DNAH5: variants seen among roughly 807,000 people sequenced by gnomAD.
The protein encoded by DNAH5 is dynein axonemal heavy chain 5, also known as axonemal beta dynein heavy chain 5.
DNAH5 carries 372 observed loss-of-function variants against 518.2 expected under a neutral mutation model. That is an observed-to-expected ratio of 0.72 (90% confidence interval 0.66 to 0.78). The LOEUF (loss-of-function observed/expected upper bound fraction) is 0.78. Among genes scored for constraint, DNAH5 ranks in the 30% least tolerant of loss-of-function variants. DNAH5 has a pLI of 0.00. For missense variants in DNAH5, 5,523 were observed against 5,687.0 expected, an observed-to-expected ratio of 0.97 and a Z score of 0.93; for synonymous variants, 2,039 against 2,025.9, an observed-to-expected ratio of 1.01 and a Z score of -0.17.
At chr5:13,903,376 T>C (rs767636034) in intron 12 of DNAH5, among the ~76,000 whole-genome samples, 15 of 151,908 alleles carry the variant, frequency 9.9e-5, no homozygotes, top group Non-Finnish European at 1.9e-4. Flanking sequence ...CATATGTCTA[T>C]TGGAAATCTT....
intron 1 of DNAH5, among the ~76,000 whole-genome samples, chr5:13,953,398 A>G (rs1381483885): frequency 6.6e-6 from 1 of 152,208 alleles, no homozygotes; most frequent in Non-Finnish European, 1.5e-5. Flanking sequence ...GAACTCTTCT[A>G]CTAGAAACAG....
At position 13,727,562 on chromosome 5, in the gene DNAH5, C is replaced by A; in HGVS notation, c.11978G>T (p.Cys3993Phe). Residue 3993 changes from cysteine to phenylalanine, a missense_variant, in exon 70 of 79, where the codon TGC becomes TTC. By Grantham distance (205) the Cys-to-Phe change is radical. Transcript: ENST00000265104. ...TCTAATAAGGAGAAGACGTCTGAAG[C>A]AGTCAAGAGATTTATCATAGGCATT... ...LPNAYDKSLD[C>F]FRRLLLIRSW... is the part of the protein sequence containing the mutation. The A allele has an allele frequency of 6.2e-7, 1 of 1,613,860 alleles. No homozygotes were observed. Among genetic ancestry groups the A allele is most frequent in the Non-Finnish European group, 8.5e-7 (1 of 1,179,828 alleles).
intron 35 of DNAH5, among the ~76,000 whole-genome samples, chr5:13,831,434 C>T (rs1763662745): frequency 1.3e-5 from 2 of 152,196 alleles, no homozygotes; most frequent in African/African-American, 2.4e-5. Flanking sequence ...GCCAGCACCA[C>T]CTGGTGTTAC....
At chr5:13,742,188 T>C (rs1748656126) in intron 65 of DNAH5, among the ~76,000 whole-genome samples, 2 of 152,192 alleles carry the variant, frequency 1.3e-5, no homozygotes, top group African/African-American at 4.8e-5. Flanking sequence ...AAGGAGAACT[T>C]AGAATGATAA....
rs568192560 is a variant in DNAH5, at chr5:13,835,542, T to C, written c.5882+3814A>G. 2.6e-5 allele frequency among the ~76,000 whole-genome samples: 4 copies of C among 152,236 alleles called. 1 individual carries two copies. In the South Asian group the frequency reaches 8.3e-4, roughly 32 times the overall value. ...GCCAAGCATCATGGCTGCCTCCAGATAACTCCATGTGTGCAGGACATCATT... is the reference window on the plus strand; with the variant it reads ...GCCAAGCATCATGGCTGCCTCCAGACAACTCCATGTGTGCAGGACATCATT... On this transcript the variant is annotated intron_variant, in intron 35 of 78. Coordinates refer to ENST00000265104, the MANE Select transcript of DNAH5 (RefSeq NM_001369.3).
At chr5:13,842,859 C>A (rs538992414) in intron 32 of DNAH5, among the ~76,000 whole-genome samples, 1 of 152,154 alleles carries the variant, frequency 6.6e-6, no homozygotes, top group East Asian at 1.9e-4. Flanking sequence ...ACAAAAGCAA[C>A]GCGATCTTAA....
intron 1 of DNAH5, among the ~76,000 whole-genome samples, chr5:13,970,385 G>A (rs1781788383): frequency 6.6e-6 from 1 of 152,024 alleles, no homozygotes; most frequent in Non-Finnish European, 1.5e-5. Context: ...TGTTTCATAG[G>A]TCCTGTGAGA....
chr5:13,713,454 TATATATATATATAC>T (rs1446233086), intron 75 of DNAH5, among the ~76,000 whole-genome samples: 12 of 131,350 alleles, frequency 9.1e-5, no homozygotes, highest in East Asian at 2.4e-4. Context: ...TATATATATA[TATATATATATATAC>T]ACACACCGAT....
chr5:13,821,217 C>T (rs1324484076), intron 40 of DNAH5, among the ~76,000 whole-genome samples: 6 of 152,028 alleles, frequency 3.9e-5, no homozygotes, highest in Non-Finnish European at 5.9e-5. Context: ...ATTGAATGAA[C>T]CTCTGAGGAG....
At chr5:13,704,385 A>C (rs1742521251) in intron 76 of DNAH5, among the ~76,000 whole-genome samples, 1 of 152,224 alleles carries the variant, frequency 6.6e-6, no homozygotes, top group Non-Finnish European at 1.5e-5. Context: ...TGTCTAGTGT[A>C]GTGCTGCTGG....
intron 78 of DNAH5, among the ~76,000 whole-genome samples, chr5:13,700,031 T>C (rs557166646): frequency 2.0e-5 from 3 of 152,336 alleles, no homozygotes; most frequent in Admixed American, 2.0e-4. Context: ...TAGAATCACG[T>C]GTGTACTTCA....
intron 1 of DNAH5, among the ~76,000 whole-genome samples, chr5:13,951,712 C>T (rs1780428570): frequency 6.6e-6 from 1 of 152,194 alleles, no homozygotes; most frequent in Admixed American, 6.5e-5. Context: ...CATCAACAGA[C>T]ACACACCACC....
intron 1 of DNAH5, among the ~76,000 whole-genome samples, chr5:13,993,502 C>G (rs1227220404): frequency 6.6e-6 from 1 of 152,136 alleles, no homozygotes; most frequent in African/African-American, 2.4e-5. Context: ...ACAAATATCA[C>G]AAAATATAGA....
intron 30 of DNAH5, among the ~76,000 whole-genome samples, chr5:13,854,204 G>A (rs1049579789): frequency 6.6e-6 from 1 of 152,184 alleles, no homozygotes; most frequent in African/African-American, 2.4e-5. Context: ...CCATAAGAGA[G>A]TGGGGGCCAA....
intron 59 of DNAH5, among the ~76,000 whole-genome samples, chr5:13,765,742 G>T (rs914103482): frequency 7.2e-5 from 11 of 152,018 alleles, no homozygotes; most frequent in East Asian, 1.9e-4. Context: ...TTCTTAAAAT[G>T]ATTTTTTTAA....
chr5:13,773,106 T>C (rs1753572875), intron 55 of DNAH5, among the ~76,000 whole-genome samples: 1 of 152,204 alleles, frequency 6.6e-6, no homozygotes, highest in Non-Finnish European at 1.5e-5. Flanking sequence ...GTCTTATGTC[T>C]TTTAGTTCTT....
In DNAH5 at chr5:13,884,114, G is replaced by A. The variant is rs570846212; in HGVS notation, c.2983+875C>T. The stretch of plus-strand genomic sequence containing the variant: ...ACAACACCTATTTCTGAACTGTGCC[G>A]AGGAAAAGATGATGCTATTGAAAAT... On this transcript the variant is annotated intron_variant, in intron 19 of 78. Transcript: ENST00000265104. 1.1e-4 allele frequency among the ~76,000 whole-genome samples: 17 copies of A among 151,950 alleles called. No individual in the cohort carries two copies. In the South Asian group the frequency reaches 1.9e-3, roughly 17 times the overall value.
chr5:13,878,860 G>A (rs1017232029), intron 21 of DNAH5, among the ~76,000 whole-genome samples: 1 of 152,198 alleles, frequency 6.6e-6, no homozygotes, highest in Non-Finnish European at 1.5e-5. Flanking sequence ...GAAGATAAAT[G>A]CCTGTGCTCA....
intron 70 of DNAH5, among the ~76,000 whole-genome samples, chr5:13,722,022 T>C (rs1392829013): frequency 6.6e-6 from 1 of 152,216 alleles, no homozygotes; most frequent in Non-Finnish European, 1.5e-5. Flanking sequence ...ATTCTGGTGG[T>C]CTTCTTCCAC....
Sources: gnomAD v4.1 joint callset for allele counts (sites outside exome capture counted in the v4.1 genomes callset) on GRCh38, gnomAD v4.1.1 for gene constraint, MANE v1.5 for transcripts, NCBI Gene and HGNC (gene_info 2026-07-23, HGNC 2026-07-21) for gene names.